The following GRID2 variants were observed in gnomAD, a reference collection of about 807,000 sequenced individuals.
The protein encoded by GRID2 is glutamate receptor ionotropic, delta-2.
Under a neutral mutation model 114.8 loss-of-function variants are expected in GRID2, and 33 were observed. That is an observed-to-expected ratio of 0.29 (90% CI 0.22 to 0.38). GRID2 has a LOEUF of 0.38. Among genes scored for constraint, GRID2 ranks in the 10% least tolerant of loss-of-function variants. The pLI is 1.00. For missense variants in GRID2, 1,184 were observed against 1,257.7 expected (o/e 0.94, Z 0.89); for synonymous variants, 505 against 449.9 (o/e 1.12, Z -1.55).
At chr4:93,591,318 TG>T (rs1738274769) in intron 13 of GRID2, among the ~76,000 whole-genome samples, 1 of 151,928 alleles carries the variant, frequency 6.6e-6, no homozygotes, top group African/African-American at 2.4e-5. Context: ...TATAATCATG[TG>T]GTTTTTGTCT....
chr4:92,987,425 A>T (rs1035469600), intron 2 of GRID2, among the ~76,000 whole-genome samples: 6 of 151,942 alleles, frequency 3.9e-5, no homozygotes, highest in African/African-American at 1.5e-4. Flanking sequence ...TTCAACAACT[A>T]TTATTTATAA....
At chr4:92,920,808 A>T (rs2149504694) in intron 2 of GRID2, among the ~76,000 whole-genome samples, 1 of 152,222 alleles carries the variant, frequency 6.6e-6, no homozygotes, top group East Asian at 1.9e-4. Context: ...ATTTTGGTGA[A>T]TCTGACAATT....
In GRID2 at chr4:93,221,467, A is replaced by T. The variant is rs148260196; in HGVS notation, c.964-3147A>T. Reference sequence around the variant, plus strand: ...AGAAATGATTGGTCATATGTGACATACTGGAGTCTATGATTTTAGAGGTGA... The same window carrying T: ...AGAAATGATTGGTCATATGTGACATTCTGGAGTCTATGATTTTAGAGGTGA... On this transcript the variant is annotated intron_variant, in intron 6 of 15. Transcript: ENST00000282020. 8.4e-4 allele frequency among the ~76,000 whole-genome samples: 128 copies of T among 152,238 alleles called. No homozygotes were observed. The East Asian group carries it at 0.022, about 26-fold the overall frequency.
At chr4:93,725,211 C>T (rs1729748134) in intron 14 of GRID2, among the ~76,000 whole-genome samples, 1 of 152,114 alleles carries the variant, frequency 6.6e-6, no homozygotes, top group Non-Finnish European at 1.5e-5. Flanking sequence ...TCAATTCCCA[C>T]CTGTGAGTGA....
chr4:92,513,647 C>G (rs553325051), intron 1 of GRID2, among the ~76,000 whole-genome samples: 5 of 151,836 alleles, frequency 3.3e-5, no homozygotes, highest in Admixed American at 2.6e-4. Context: ...GGTGATTTCA[C>G]TAACCTCTGC....
At chr4:93,673,836 G>A (rs1380200176) in intron 14 of GRID2, among the ~76,000 whole-genome samples, 1 of 152,182 alleles carries the variant, frequency 6.6e-6, no homozygotes, top group African/African-American at 2.4e-5. Flanking sequence ...CAAACTTGAT[G>A]TGTGATCATA....
chr4:93,310,312 G>T (rs1755875725), intron 8 of GRID2, among the ~76,000 whole-genome samples: 1 of 152,072 alleles, frequency 6.6e-6, no homozygotes, highest in African/African-American at 2.4e-5. Flanking sequence ...TTGAGGTCAG[G>T]AGTTTGAGGC....
At chr4:93,221,363 T>C (rs1744854490) in intron 6 of GRID2, among the ~76,000 whole-genome samples, 1 of 152,110 alleles carries the variant, frequency 6.6e-6, no homozygotes, top group Admixed American at 6.6e-5. Context: ...TGTCAAATAT[T>C]GAAAGCTTGT....
intron 4 of GRID2, among the ~76,000 whole-genome samples, chr4:93,176,658 G>T (rs542871965): frequency 5.3e-5 from 8 of 152,196 alleles, no homozygotes; most frequent in African/African-American, 1.7e-4. Flanking sequence ...TAAAAATTAT[G>T]CTTTTCTGAG....
chr4:92,681,737 A>G (rs113929454), intron 2 of GRID2, among the ~76,000 whole-genome samples: 51 of 152,196 alleles, frequency 3.4e-4, no homozygotes, highest in Non-Finnish European at 5.7e-4. Flanking sequence ...GATTTTACCA[A>G]TTGTAAATTT....
chr4:93,284,318 A>G lies in GRID2; in HGVS notation c.1245+45828A>G, dbSNP rs117349547. ...CACTAAAGCCTGTCATCACATGGAC[A>G]CATAGAGGGGATCAACACACATTGG... On this transcript the variant is annotated intron_variant, in intron 8 of 15. Transcript: ENST00000282020. 7.2e-3 allele frequency among the ~76,000 whole-genome samples: 1,088 copies of G among 152,158 alleles called. 47 individuals are homozygous for G. The highest frequency in any genetic ancestry group is 0.054 in the Admixed American group (824 of 15,254).
At chr4:92,411,151 C>T (rs1731280602) in intron 1 of GRID2, among the ~76,000 whole-genome samples, 1 of 152,092 alleles carries the variant, frequency 6.6e-6, no homozygotes, top group African/African-American at 2.4e-5. Flanking sequence ...ATTGGCCTGG[C>T]TATTTCTTTA....
chr4:93,582,358 C>T (rs538409932), intron 13 of GRID2, among the ~76,000 whole-genome samples: 21 of 152,146 alleles, frequency 1.4e-4, no homozygotes, highest in African/African-American at 5.1e-4. Context: ...CCCAGATAAT[C>T]TCCCCATCTG....
intron 1 of GRID2, among the ~76,000 whole-genome samples, chr4:93,799,478 T>A (rs192420382): frequency 3.3e-5 from 5 of 151,972 alleles, no homozygotes; most frequent in Admixed American, 3.3e-4. Flanking sequence ...TATATCTACA[T>A]AGGCATATTT....
intron 9 of GRID2, among the ~76,000 whole-genome samples, chr4:93,421,384 C>T (rs1768269442): frequency 6.6e-6 from 1 of 152,106 alleles, no homozygotes; most frequent in African/African-American, 2.4e-5. Context: ...CTAGCAGTAA[C>T]CTACTCTACT....
chr4:92,653,897 A>G (rs1732100829), intron 2 of GRID2, among the ~76,000 whole-genome samples: 1 of 152,090 alleles, frequency 6.6e-6, no homozygotes, highest in South Asian at 2.1e-4. Flanking sequence ...GGCTATTAGG[A>G]TGGTTAACCT....
intron 14 of GRID2, among the ~76,000 whole-genome samples, chr4:93,650,244 G>A (rs190393223): frequency 7.2e-5 from 11 of 151,828 alleles, no homozygotes; most frequent in Admixed American, 6.6e-4. Context: ...CTGGAAAGTG[G>A]GGAAAAAAAA....
At chr4:92,755,558 C>G (rs930318414) in intron 2 of GRID2, among the ~76,000 whole-genome samples, 2 of 151,918 alleles carry the variant, frequency 1.3e-5, no homozygotes, top group African/African-American at 4.8e-5. Flanking sequence ...GGGAGCCCAC[C>G]ATGTAAAGAC....
chr4:93,366,199 G>C (rs1263125804), intron 8 of GRID2, among the ~76,000 whole-genome samples: 2 of 152,152 alleles, frequency 1.3e-5, no homozygotes, highest in Non-Finnish European at 2.9e-5. Context: ...CTGTGAGCCG[G>C]GTGGAACAGA....
Sources: allele counts gnomAD v4.1 joint callset (sites outside exome capture counted in the v4.1 genomes callset), GRCh38; gene constraint gnomAD v4.1.1; transcripts MANE v1.5; gene names NCBI Gene and HGNC (gene_info 2026-07-23, HGNC 2026-07-21).